Variants in TRPC4AP observed in about 807,000 individuals in gnomAD.
TRPC4AP encodes transient receptor potential cation channel subfamily C member 4 associated protein, also known as short transient receptor potential channel 4-associated protein.
In TRPC4AP, 45 loss-of-function variants were observed where a neutral mutation model predicts 99.0. The ratio of observed to expected loss-of-function variants is 0.45; its 90% CI spans 0.36 to 0.58. The LOEUF is 0.58. Ranked by LOEUF, TRPC4AP falls within the 20% of genes least tolerant of loss-of-function variation. TRPC4AP has a pLI of 0.00. For missense variants in TRPC4AP, 879 were observed against 985.3 expected, an observed-to-expected ratio of 0.89 and a Z score of 1.44; for synonymous variants, 408 against 385.8, an observed-to-expected ratio of 1.06 and a Z score of -0.67.
chr20:35,024,868 A>C (rs534179090), intron 8 of TRPC4AP, among the ~76,000 whole-genome samples: 1 of 140,298 alleles, frequency 7.1e-6, no homozygotes, highest in Non-Finnish European at 1.5e-5. Flanking sequence ...CTGTTTATTC[A>C]TTAATCAGGT....
chr20:35,082,979 C>T (rs1462614750), intron 1 of TRPC4AP, among the ~76,000 whole-genome samples: 1 of 152,126 alleles, frequency 6.6e-6, no homozygotes, highest in African/African-American at 2.4e-5. Context: ...GAACATGCTA[C>T]TTCTATTCAT....
At chr20:35,091,626 C>A (rs753349970) in intron 1 of TRPC4AP, among the ~76,000 whole-genome samples, 1 of 151,598 alleles carries the variant, frequency 6.6e-6, no homozygotes, top group African/African-American at 2.4e-5. Context: ...TAGCAAGGTT[C>A]GGGGTGGGGG....
chr20:35,075,013 T>C (rs570305183), intron 2 of TRPC4AP, among the ~76,000 whole-genome samples: 1 of 152,356 alleles, frequency 6.6e-6, no homozygotes, highest in African/African-American at 2.4e-5. Flanking sequence ...TACCATTATG[T>C]AATGGCCTTG....
chr20:35,072,046 C>A (rs2084331754), intron 2 of TRPC4AP, among the ~76,000 whole-genome samples: 1 of 152,220 alleles, frequency 6.6e-6, no homozygotes, highest in Non-Finnish European at 1.5e-5. Context: ...TGATGATGAG[C>A]ATTTTTTCCT....
intron 3 of TRPC4AP, among the ~76,000 whole-genome samples, chr20:35,067,715 T>C (rs2084179443): frequency 6.6e-6 from 1 of 152,022 alleles, no homozygotes. Context: ...CACAGATGAA[T>C]CTAGAAATCA....
chr20:35,086,022 T>G (rs1340848356), intron 1 of TRPC4AP, among the ~76,000 whole-genome samples: 2 of 151,916 alleles, frequency 1.3e-5, no homozygotes, highest in Admixed American at 1.3e-4. Context: ...CAAGTGATCC[T>G]CCCACCTCAG....
chr20:35,091,861 T>C (rs1299231441), intron 1 of TRPC4AP, among the ~76,000 whole-genome samples: 1 of 152,162 alleles, frequency 6.6e-6, no homozygotes, highest in South Asian at 2.1e-4. Context: ...AGGTTACTAA[T>C]TCTCATCTTC....
At chr20:35,063,782 G>GC (rs770948134) in intron 3 of TRPC4AP, among the ~76,000 whole-genome samples, 26 of 152,048 alleles carry the variant, frequency 1.7e-4, no homozygotes, top group Non-Finnish European at 2.8e-4. Flanking sequence ...GATCACTAGA[G>GC]CCCAGGGGTT....
intron 1 of TRPC4AP, among the ~76,000 whole-genome samples, chr20:35,081,177 G>T (rs1288297621): frequency 2.0e-5 from 3 of 152,146 alleles, no homozygotes; most frequent in Admixed American, 1.3e-4. Flanking sequence ...CAAAATGTCA[G>T]TTATTACATT....
At chr20:35,037,816 T>C (rs564712430) in intron 7 of TRPC4AP, among the ~76,000 whole-genome samples, 4 of 152,242 alleles carry the variant, frequency 2.6e-5, no homozygotes, top group Admixed American at 1.3e-4. Context: ...ATACTTACCA[T>C]TATGGTACAA....
intron 16 of TRPC4AP, 77 bp from the exon 17 acceptor site, chr20:35,004,647 C>A: frequency 8.2e-7 from 1 of 1,226,300 alleles, no homozygotes; most frequent in African/African-American, 1.5e-5. Flanking sequence ...CGTGGAGCCC[C>A]GCTTGGGTCC....
chr20:35,035,058 G>C (rs772700787), intron 8 of TRPC4AP, 65 bp downstream of exon 8: 15 of 1,502,714 alleles, frequency 1.0e-5, no homozygotes, highest in South Asian at 1.3e-5. Context: ...GGAAAGAAGA[G>C]CAAGAATGGT....
At position 35,029,926 on chromosome 20, in the gene TRPC4AP, G is replaced by A. The variant is rs1292086310; in HGVS notation, c.1051+5197C>T. On this transcript the variant is annotated intron_variant, in intron 8 of 18. Transcript: ENST00000252015. Reference sequence around the variant, plus strand: ...GCTGGGATTACAGGCGTGAGCCACCGCGCCCAGCCCCAAGTTACTTTCTTA... The same window carrying A: ...GCTGGGATTACAGGCGTGAGCCACCACGCCCAGCCCCAAGTTACTTTCTTA... Among the ~76,000 whole-genome samples, 18 of 127,966 alleles carry A rather than the reference G, an allele frequency of 1.4e-4. No individual in the cohort carries two copies. The South Asian group carries it at 2.7e-3, about 19-fold the overall frequency. 84.0% of individuals were successfully genotyped at this position (127,966 alleles called of 152,430 possible).
chr20:35,029,916 G>T (rs753338951), intron 8 of TRPC4AP, among the ~76,000 whole-genome samples: 72 of 142,826 alleles, frequency 5.0e-4, no homozygotes, highest in Non-Finnish European at 9.4e-4. Context: ...GATTACAGGC[G>T]TGAGCCACCG....
At chr20:35,066,604 C>T (rs2084151179) in intron 3 of TRPC4AP, among the ~76,000 whole-genome samples, 1 of 152,064 alleles carries the variant, frequency 6.6e-6, no homozygotes, top group Admixed American at 6.6e-5. Flanking sequence ...CCAAAATAAA[C>T]TTCAAATGAT....
chr20:35,050,147 G>A (rs1454865937), intron 5 of TRPC4AP, among the ~76,000 whole-genome samples, 153 bp from the exon 6 acceptor site: 2 of 152,276 alleles, frequency 1.3e-5, no homozygotes, highest in South Asian at 2.1e-4. Flanking sequence ...TGTGGGAAAC[G>A]CTCGTTAACT....
rs2085111521 is a variant in TRPC4AP, at chr20:35,092,732, C to A, written c.50G>T (p.Arg17Leu). Residue 17 changes from arginine (R) to leucine (L), a missense_variant, in exon 1 of 19, where the codon CGG becomes CTG. Arg to Leu is a moderately radical substitution (Grantham distance 102). Around this residue, in one of 3 missense-constraint regions of TRPC4AP, gnomAD observed 603 missense variants for 631.8 expected, o/e 0.95. Transcript: ENST00000252015. ...AAGSGAGRGRRSAATVAAWGG... is the reference protein window; with the variant it reads ...AAGSGAGRGRLSAATVAAWGG... Reference sequence around the variant, plus strand: ...CCAAGCCGCCACTGTGGCTGCCGACCGTCTCCCTCGGCCGGCTCCAGACCC... The same window carrying A: ...CCAAGCCGCCACTGTGGCTGCCGACAGTCTCCCTCGGCCGGCTCCAGACCC... The A allele has an allele frequency of 6.4e-7, 1 of 1,561,294 alleles. No individual in the cohort carries two copies. Among genetic ancestry groups the A allele is most frequent in the Non-Finnish European group, 8.6e-7 (1 of 1,164,972 alleles).
chr20:35,064,758 A>G (rs1214744689), intron 3 of TRPC4AP, among the ~76,000 whole-genome samples: 1 of 152,248 alleles, frequency 6.6e-6, no homozygotes, highest in African/African-American at 2.4e-5. Flanking sequence ...AGTAATTATT[A>G]TACAGTATAT....
chr20:35,065,133 T>TA (rs2084110602), intron 3 of TRPC4AP, among the ~76,000 whole-genome samples: 1 of 152,334 alleles, frequency 6.6e-6, no homozygotes, highest in East Asian at 1.9e-4. Context: ...AAATGGAAGA[T>TA]AGACTATGTC....
Sources: allele counts gnomAD v4.1 joint callset (sites outside exome capture counted in the v4.1 genomes callset), GRCh38; gene constraint gnomAD v4.1.1; regional missense constraint gnomAD v4.1.1; transcripts MANE v1.5; gene names NCBI Gene and HGNC (gene_info 2026-07-23, HGNC 2026-07-21).